Variants in ZNF410 observed in about 807,000 individuals in gnomAD.
ZNF410 encodes the protein zinc finger protein 410.
ZNF410 carries 18 observed loss-of-function variants against 54.8 expected under a neutral mutation model. That is an observed-to-expected ratio of 0.33 (90% CI 0.23 to 0.49). ZNF410 has a LOEUF of 0.49. Among genes scored for constraint, ZNF410 ranks in the 20% least tolerant of loss-of-function variants. The probability of loss-of-function intolerance (pLI) is 0.99; values close to 1 mark genes in which losing one functional copy is unlikely to be tolerated. For synonymous variants in ZNF410, 191 were observed against 207.3 expected (o/e 0.92, Z 0.68); for missense variants, 405 against 569.6 (o/e 0.71, Z 2.94).
At chr14:73,900,251 A>G (rs887256283) in intron 5 of ZNF410, among the ~76,000 whole-genome samples, 2 of 152,158 alleles carry the variant, frequency 1.3e-5, no homozygotes, top group African/African-American at 2.4e-5. Flanking sequence ...CCAACAAGAT[A>G]ATACCCTAAA....
rs1014362343 is a variant in ZNF410 at position 73,922,338 on chromosome 14, C to T, written c.1270+132C>T. Reference sequence around the variant, plus strand: ...CTGTGGTATGAGTAGCATTTGTGTTCTTATTCTCTGGGGTGGATTAGTCAA... The same window carrying T: ...CTGTGGTATGAGTAGCATTTGTGTTTTTATTCTCTGGGGTGGATTAGTCAA... On this transcript the variant is annotated intron_variant, in intron 10 of 11. Transcript: ENST00000555044. 5.1e-6 allele frequency: 5 copies of T among 972,822 alleles called. No individual in the cohort carries two copies. The African/African-American group carries it at 8.1e-5, about 16-fold the overall frequency. The allele number at this position is 972,822 out of a possible 1,614,324, so 60.3% of individuals were successfully genotyped here. A position where few individuals can be genotyped will look rare whatever the true frequency, so the allele number is the denominator to read the frequency against.
chr14:73,927,207 T>C, intron 11 of ZNF410: 1 of 245,252 alleles, frequency 4.1e-6, no homozygotes, highest in Admixed American at 4.6e-5. Context: ...TGCCTCAGCC[T>C]CCTGAGTAGC....
rs562475174 is a variant in ZNF410, at chr14:73,918,519, A to G, written c.1004-2461A>G. Reference sequence around the variant, plus strand: ...GTTTTCTCTACTGTCCGACTCCACAACATTTCATCATCCCAAAAAGGATCC... The same window carrying G: ...GTTTTCTCTACTGTCCGACTCCACAGCATTTCATCATCCCAAAAAGGATCC... On this transcript the variant is annotated intron_variant, in intron 8 of 11. Coordinates refer to ENST00000555044, the MANE Select transcript of ZNF410 (RefSeq NM_021188.3). Among the ~76,000 whole-genome samples the G allele has an allele frequency of 3.3e-5, 5 of 152,168 alleles. No homozygotes were observed. The South Asian group carries it at 1.0e-3, about 32-fold the overall frequency.
intron 7 of ZNF410, 21 bp from the exon 8 acceptor site, chr14:73,909,320 T>C (rs749371708): frequency 6.2e-7 from 1 of 1,602,560 alleles, no homozygotes; most frequent in East Asian, 2.2e-5. Flanking sequence ...ACTGAGTCTT[T>C]ATCTCATTTT....
In ZNF410 at chr14:73,909,406, C is replaced by T. The variant is rs1467421804; in HGVS notation, c.979C>T (p.Arg327Ter). 4 of 1,613,814 alleles carry T rather than the reference C, an allele frequency of 2.5e-6. No homozygotes were observed. The highest frequency in any genetic ancestry group is 1.3e-5 in the African/African-American group (1 of 74,866). The change falls in exon 8 of 12, where the codon CGA becomes TGA. Residue 327 changes from arginine to a stop codon, truncating the protein, a stop_gained. Transcript: ENST00000555044. LOFTEE classifies it high-confidence loss of function. ...GRSFAEYSSL[R>*]KHLVVHSGEK... Reference sequence around the variant, plus strand: ...TTCCTTTGCTGAGTATTCTAGCCTCCGAAAACATCTGGTGGTTCACTCAGG... The same window carrying T: ...TTCCTTTGCTGAGTATTCTAGCCTCTGAAAACATCTGGTGGTTCACTCAGG...
chr14:73,893,081 C>CA (rs796356566), intron 2 of ZNF410, among the ~76,000 whole-genome samples: 6 of 149,364 alleles, frequency 4.0e-5, no homozygotes, highest in South Asian at 2.1e-4. Context: ...GACTCTGTCT[C>CA]AAAAAAAAAT....
chr14:73,918,686 CTTTTTTTTTTTTTTT>C (rs71115932), intron 8 of ZNF410, among the ~76,000 whole-genome samples: 117 of 74,644 alleles, frequency 1.6e-3, no homozygotes, highest in Non-Finnish European at 2.3e-3. Context: ...TTCATATGGC[CTTTTTTTTTTTTTTT>C]TTTTTTTTTT....
At chr14:73,894,294 A>G (rs982637722) in intron 3 of ZNF410, 3 of 698,542 alleles carry the variant, frequency 4.3e-6, no homozygotes, top group Non-Finnish European at 7.8e-6. Flanking sequence ...AAATCATTGT[A>G]TCAAATGCTA....
chr14:73,904,105 T>A lies in ZNF410; in HGVS notation c.726T>A (p.Thr242=). 1 of 1,608,598 alleles carries A rather than the reference T, an allele frequency of 6.2e-7. No individual in the cohort carries two copies. The highest frequency in any genetic ancestry group is 8.5e-7 in the Non-Finnish European group (1 of 1,177,182). Residue 242 remains threonine, a synonymous_variant, in exon 6 of 12, where the codon ACT becomes ACA. Coordinates refer to ENST00000555044, the MANE Select transcript of ZNF410 (RefSeq NM_021188.3). ...WPAHFKYHLK[T]HRNDRSFICP... ...CTCACTTTAAATACCACCTCAAGAC[T>A]CATCGGTGAGCAAATCCGAGATCTC...
chr14:73,911,223 A>G (rs2055572677), intron 8 of ZNF410, among the ~76,000 whole-genome samples: 1 of 152,138 alleles, frequency 6.6e-6, no homozygotes, highest in African/African-American at 2.4e-5. Context: ...AAAATAGGTG[A>G]TGGAGGTTAA....
intron 3 of ZNF410, among the ~76,000 whole-genome samples, chr14:73,894,933 C>G (rs2055291268): frequency 6.6e-6 from 1 of 151,942 alleles, no homozygotes. Context: ...GAGGCTGAGG[C>G]AGGAGGATAG....
chr14:73,917,766 T>A (rs975701785), intron 8 of ZNF410, among the ~76,000 whole-genome samples: 2 of 152,050 alleles, frequency 1.3e-5, no homozygotes, highest in Non-Finnish European at 2.9e-5. Flanking sequence ...GAGGTTGCAG[T>A]GAACCGAGAT....
At chr14:73,908,587 A>G (rs917419) in intron 7 of ZNF410, among the ~76,000 whole-genome samples, 74,410 of 151,860 alleles carry the variant, frequency 0.49, 18,452 homozygotes, top group South Asian at 0.61. Context: ...CTCAGCTCCC[A>G]TATTGTCACT....
At chr14:73,903,687 A>G in intron 5 of ZNF410, 1 of 403,092 alleles carries the variant, frequency 2.5e-6, no homozygotes, top group Non-Finnish European at 4.5e-6. Context: ...TTTTGTAAAG[A>G]TATGGTTTCA....
chr14:73,907,002 T>G lies in ZNF410; in HGVS notation c.913+1919T>G, dbSNP rs551335433. The stretch of plus-strand genomic sequence containing the variant: ...ATCTGAATCTCAATAATAATTAATA[T>G]AATAATAAAAGTTAGCATTTGTTGA... On this transcript the variant is annotated intron_variant, in intron 7 of 11. Transcript: ENST00000555044. 2.6e-5 allele frequency among the ~76,000 whole-genome samples: 4 copies of G among 152,280 alleles called. No homozygotes were observed. In the South Asian group the frequency reaches 8.3e-4, roughly 32 times the overall value.
At chr14:73,917,831 AAAG>A (rs1464705863) in intron 8 of ZNF410, among the ~76,000 whole-genome samples, 1 of 152,132 alleles carries the variant, frequency 6.6e-6, no homozygotes, top group African/African-American at 2.4e-5. Context: ...TAAAATATAA[AAAG>A]AAGAAAAGGG....
At chr14:73,924,125 A>C (rs1446572113) in intron 11 of ZNF410, among the ~76,000 whole-genome samples, 2 of 152,216 alleles carry the variant, frequency 1.3e-5, no homozygotes, top group Non-Finnish European at 2.9e-5. Context: ...CTAAGTGAGA[A>C]CCATTACCTA....
At chr14:73,925,926 C>G (rs953239665) in intron 11 of ZNF410, among the ~76,000 whole-genome samples, 17 of 152,082 alleles carry the variant, frequency 1.1e-4, no homozygotes, top group African/African-American at 3.9e-4. Flanking sequence ...CCCAACTACT[C>G]GGGAGGCTGA....
At chr14:73,917,589 G>A (rs552240330) in intron 8 of ZNF410, among the ~76,000 whole-genome samples, 45 of 152,186 alleles carry the variant, frequency 3.0e-4, no homozygotes, top group African/African-American at 1.0e-3. Context: ...TTGGGAGGCC[G>A]AGGTGGGTGG....
Sources: gnomAD v4.1 joint callset for allele counts (sites outside exome capture counted in the v4.1 genomes callset) on GRCh38, gnomAD v4.1.1 for gene constraint, MANE v1.5 for transcripts, NCBI Gene and HGNC (gene_info 2026-07-23, HGNC 2026-07-21) for gene names.